Variants in RBMS3 observed in about 807,000 individuals in gnomAD.
RBMS3 encodes the protein RNA binding motif single stranded interacting protein 3, also known as RNA-binding motif, single-stranded-interacting protein 3.
Under a neutral mutation model 66.8 loss-of-function variants are expected in RBMS3, and 27 were observed. The observed-to-expected ratio is 0.40, with a 90% CI of 0.30 to 0.56. The LOEUF (loss-of-function observed/expected upper bound fraction) is 0.56. Among genes scored for constraint, RBMS3 ranks in the 20% least tolerant of loss-of-function variants. The pLI is 0.40. For synonymous variants in RBMS3, 188 were observed against 183.0 expected (o/e 1.03, Z -0.22); for missense variants, 513 against 549.5 (o/e 0.93, Z 0.66).
intron 4 of RBMS3, among the ~76,000 whole-genome samples, chr3:29,636,502 T>C (rs1323764738): frequency 6.6e-6 from 1 of 151,938 alleles, no homozygotes; most frequent in Non-Finnish European, 1.5e-5. Context: ...GGTGGAAGGC[T>C]GGTAATCTGT....
chr3:29,686,064 A>C (rs1249368158), intron 4 of RBMS3, among the ~76,000 whole-genome samples: 1 of 152,170 alleles, frequency 6.6e-6, no homozygotes, highest in Non-Finnish European at 1.5e-5. Context: ...AGCACTTTTG[A>C]CCTTAGACAG....
At chr3:29,499,243 T>C (rs920356103) in intron 3 of RBMS3, among the ~76,000 whole-genome samples, 3 of 152,084 alleles carry the variant, frequency 2.0e-5, no homozygotes, top group African/African-American at 4.8e-5. Flanking sequence ...GCATGGTCAA[T>C]CATCATTTGC....
In RBMS3 at chr3:29,938,178, C is replaced by G. The variant is rs1292386448; in HGVS notation, c.1050+1982C>G. Among the ~76,000 whole-genome samples the G allele has an allele frequency of 2.0e-5, 3 of 151,844 alleles. No homozygotes were observed. The East Asian group carries it at 5.8e-4, about 29-fold the overall frequency. On this transcript the variant is annotated intron_variant, in intron 11 of 14. Transcript: ENST00000383767. ...AATAAGCTAAAAGACACAGAACAGA[C>G]TCAGAATTAAAATAGTTATTGATTC... is the stretch of plus-strand genomic sequence containing the variant.
At chr3:29,990,731 G>A (rs923926308) in intron 13 of RBMS3, among the ~76,000 whole-genome samples, 1 of 152,116 alleles carries the variant, frequency 6.6e-6, no homozygotes, top group African/African-American at 2.4e-5. Context: ...CCAGGAAAAT[G>A]TTTGGACATA....
chr3:29,483,280 G>T (rs200089711), intron 2 of RBMS3, among the ~76,000 whole-genome samples: 2 of 142,026 alleles, frequency 1.4e-5, no homozygotes, highest in East Asian at 4.1e-4. Flanking sequence ...CTGCACTCCA[G>T]CCTGGGCGAC....
chr3:29,345,336 TTC>T (rs2036512522), intron 1 of RBMS3, among the ~76,000 whole-genome samples: 1 of 152,236 alleles, frequency 6.6e-6, no homozygotes, highest in Non-Finnish European at 1.5e-5. Context: ...CTTTATCTGC[TTC>T]TGTCACAGAA....
chr3:29,766,871 T>G lies in RBMS3; in HGVS notation c.637+3882T>G, dbSNP rs950402961. On this transcript the variant is annotated intron_variant, in intron 6 of 14. Transcript: ENST00000383767. The stretch of plus-strand genomic sequence containing the variant: ...TGTTAAATAGTGTCAATCGTTTGAG[T>G]GTTGTAGCCATCAGCAGAAAGAGAT... 8.6e-5 allele frequency: 13 copies of G among 151,936 alleles called. No homozygotes were observed. The East Asian group carries it at 2.5e-3, about 30-fold the overall frequency. The allele number at this position is 151,936 out of a possible 1,614,324, so 9.4% of individuals were successfully genotyped here. A position where few individuals can be genotyped will look rare whatever the true frequency, so the allele number is the denominator to read the frequency against.
At chr3:29,767,943 T>TA (rs2149390243) in intron 6 of RBMS3, among the ~76,000 whole-genome samples, 1 of 152,018 alleles carries the variant, frequency 6.6e-6, no homozygotes, top group East Asian at 1.9e-4. Context: ...AGGTAACAAA[T>TA]AAAAAATGCT....
intron 3 of RBMS3, among the ~76,000 whole-genome samples, chr3:29,559,678 T>C (rs1222197275): frequency 6.6e-6 from 1 of 152,106 alleles, no homozygotes; most frequent in Non-Finnish European, 1.5e-5. Context: ...CATCTATTAA[T>C]GTTCTGCAAG....
rs1553602214 is a variant in RBMS3 at position 29,430,778 on chromosome 3, C to CTAAGCAATGGGAAAAACTGCTT, written c.76-3962_76-3961insGCAATGGGAAAAACTGCTTTAA. ...TCTGGCTCCCTGGTGGTTTTAAAGG[C>CTAAGCAATGGGAAAAACTGCTT]TAAACAAAGTCTCATTTTTGAAAAA... On this transcript the variant is annotated intron_variant, in intron 1 of 14. Transcript: ENST00000383767. Among the ~76,000 whole-genome samples, 3 of 151,762 alleles carry CTAAGCAATGGGAAAAACTGCTT rather than the reference C, an allele frequency of 2.0e-5. No homozygotes were observed. In the East Asian group the frequency reaches 5.8e-4, roughly 30 times the overall value.
chr3:29,884,472 C>CTCTT (rs1258281965), intron 8 of RBMS3, among the ~76,000 whole-genome samples: 16 of 75,682 alleles, frequency 2.1e-4, no homozygotes, highest in South Asian at 1.0e-3. Context: ...CTCTCTCTCC[C>CTCTT]CCCCCGCTCC....
intron 4 of RBMS3, among the ~76,000 whole-genome samples, chr3:29,689,300 C>T (rs1372743062): frequency 3.3e-5 from 5 of 151,910 alleles, no homozygotes; most frequent in Admixed American, 2.0e-4. Context: ...CATCTTTTTT[C>T]TGTCATTAAT....
At chr3:29,921,253 A>G (rs1383388407) in intron 10 of RBMS3, among the ~76,000 whole-genome samples, 3 of 151,706 alleles carry the variant, frequency 2.0e-5, no homozygotes, top group Non-Finnish European at 4.4e-5. Flanking sequence ...TAATAGAGAC[A>G]GGGTTTCTCC....
intron 3 of RBMS3, among the ~76,000 whole-genome samples, chr3:29,516,410 A>G (rs2044624501): frequency 6.6e-6 from 1 of 152,210 alleles, no homozygotes; most frequent in Admixed American, 6.5e-5. Context: ...AGAGTGGCAT[A>G]AAGCCTGAAG....
At chr3:29,773,639 G>T (rs75379675) in intron 6 of RBMS3, among the ~76,000 whole-genome samples, 1 of 151,996 alleles carries the variant, frequency 6.6e-6, no homozygotes, top group Non-Finnish European at 1.5e-5. Context: ...GTGTTTGCCC[G>T]TGGCCATCAA....
intron 4 of RBMS3, among the ~76,000 whole-genome samples, chr3:29,722,542 TAAAC>T (rs1456951835): frequency 6.6e-6 from 1 of 152,124 alleles, no homozygotes; most frequent in Non-Finnish European, 1.5e-5. Context: ...TCCTTTATAA[TAAAC>T]AAAAAATTTT....
At chr3:29,827,974 T>A (rs2058253018) in intron 6 of RBMS3, among the ~76,000 whole-genome samples, 1 of 152,194 alleles carries the variant, frequency 6.6e-6, no homozygotes, top group South Asian at 2.1e-4. Context: ...CCCTTGTTTT[T>A]ACCCTTGATT....
chr3:29,587,345 C>G (rs2047569019), intron 4 of RBMS3, 140 bp downstream of exon 4: 1 of 516,334 alleles, frequency 1.9e-6, no homozygotes, highest in African/African-American at 2.1e-5. Flanking sequence ...TTGCTCTGAG[C>G]TCACTCAAAC....
At chr3:29,884,469 T>TCTCTCTCTC (rs1553692501) in intron 8 of RBMS3, among the ~76,000 whole-genome samples, 8 of 66,346 alleles carry the variant, frequency 1.2e-4, no homozygotes, top group East Asian at 3.0e-4. Context: ...TCTCTCTCTC[T>TCTCTCTCTC]CCCCCCCCGC....
Sources: allele counts gnomAD v4.1 joint callset (sites outside exome capture counted in the v4.1 genomes callset), GRCh38; gene constraint gnomAD v4.1.1; transcripts MANE v1.5; gene names NCBI Gene and HGNC (gene_info 2026-07-23, HGNC 2026-07-21).